RGL4: variants seen among roughly 807,000 people sequenced by gnomAD.
RGL4 encodes ral-GDS-related protein.
Under a neutral mutation model 49.6 loss-of-function variants are expected in RGL4, and 41 were observed. The observed-to-expected ratio is 0.83, with a 90% confidence interval of 0.64 to 1.07. The LOEUF (loss-of-function observed/expected upper bound fraction) is 1.07. RGL4 is among the 50% of genes least tolerant of loss of function. The pLI, the probability that RGL4 is intolerant of heterozygous loss-of-function variation, is 0.00. For synonymous variants in RGL4, 255 were observed against 238.0 expected (o/e 1.07, Z -0.66); for missense variants, 610 against 591.9 (o/e 1.03, Z -0.32).
Position 23,692,414 on chromosome 22 carries a change from C to A in RGL4, c.259C>A (p.Arg87=). 6.2e-7 allele frequency: 1 copy of A among 1,614,226 alleles called. No individual in the cohort carries two copies. Among genetic ancestry groups the A allele is most frequent in the Non-Finnish European group, 8.5e-7 (1 of 1,180,044 alleles). ...TCAGCCCCCGCAACGGTCATCTTTC[C>A]GGATAAAGCTGGCCTTCAGGAACCT... The part of the protein sequence containing the change: ...YYQPPQRSSF[R]IKLAFRNLSW... Residue 87 remains arginine, a synonymous_variant, in exon 2 of 11, where the codon CGG becomes AGG. Transcript: ENST00000290691.
At chr22:23,695,754 C>G (rs141323087) in intron 6 of RGL4, among the ~76,000 whole-genome samples, 71 of 152,352 alleles carry the variant, frequency 4.7e-4, no homozygotes, top group African/African-American at 1.6e-3. Flanking sequence ...GGGATCCTCC[C>G]TGACCAGATC....
chr22:23,698,582 C>G (rs184206172), intron 10 of RGL4: 163 of 720,020 alleles, frequency 2.3e-4, no homozygotes, highest in African/African-American at 2.1e-3. Flanking sequence ...TGTCCAGGAT[C>G]GTCTCAAACT....
chr22:23,697,070 G>A, intron 7 of RGL4, 101 bp from the exon 8 acceptor site: 10 of 891,534 alleles, frequency 1.1e-5, no homozygotes, highest in East Asian at 2.5e-5. Flanking sequence ...CTGGGAGACA[G>A]GGGCTGATGG....
At position 23,692,972 on chromosome 22, in the gene RGL4, A is replaced by G; in HGVS notation, c.677A>G (p.Gln226Arg). 1.9e-6 allele frequency: 3 copies of G among 1,607,218 alleles called. No individual in the cohort carries two copies. The highest frequency in any genetic ancestry group is 2.6e-6 in the Non-Finnish European group (3 of 1,175,894). ...TTFPPRLLAEQLTLMDAELFK... is the reference protein window; with the variant it reads ...TTFPPRLLAERLTLMDAELFK... The stretch of plus-strand genomic sequence containing the variant: ...TTCCCTCCCAGGCTGCTGGCAGAGC[A>G]GCTGACCCTCATGGATGCGGTGAGC... Residue 226 changes from glutamine to arginine, a missense_variant, in exon 3 of 11, where the codon CAG (glutamine) becomes CGG (arginine). Transcript: ENST00000290691.
chr22:23,693,498 T>C (rs528333043), intron 3 of RGL4, among the ~76,000 whole-genome samples: 2 of 151,954 alleles, frequency 1.3e-5, no homozygotes, highest in East Asian at 3.9e-4. Flanking sequence ...GTTCTTAGAG[T>C]GTGGATGGCC....
chr22:23,693,305 T>C, intron 3 of RGL4: 1 of 475,374 alleles, frequency 2.1e-6, no homozygotes, highest in Non-Finnish European at 3.8e-6. Flanking sequence ...CTCAGGAGCC[T>C]CACTACCCTC....
Position 23,691,954 on chromosome 22 carries a change from C to T in RGL4, c.-77C>T. On this transcript the variant is annotated 5_prime_UTR_variant, in exon 1 of 11. Transcript: ENST00000290691. Reference sequence around the variant, plus strand: ...CCCTCAGCACCGTGGCTTCCCAGCTCTCCCTGTCCTCCTCCCCCCGACATC... The same window carrying T: ...CCCTCAGCACCGTGGCTTCCCAGCTTTCCCTGTCCTCCTCCCCCCGACATC... 6.6e-7 allele frequency: 1 copy of T among 1,516,706 alleles called. No homozygotes were observed. Among genetic ancestry groups the T allele is most frequent in the Non-Finnish European group, 9.0e-7 (1 of 1,111,906 alleles). The allele number at this position is 1,516,706 out of a possible 1,614,324, so 94.0% of individuals were successfully genotyped here. A position where few individuals can be genotyped will look rare whatever the true frequency, so the allele number is the denominator to read the frequency against.
In RGL4 at chr22:23,698,985, T is replaced by C. The variant is rs1019795980; in HGVS notation, c.*102T>C. The C allele has an allele frequency of 5.1e-6, 8 of 1,560,716 alleles. No individual in the cohort carries two copies. Among genetic ancestry groups the C allele is most frequent in the East Asian group, 2.4e-5 (1 of 42,018 alleles). On this transcript the variant is annotated 3_prime_UTR_variant, in exon 11 of 11. Transcript: ENST00000290691. ...AGACCGTAGACACCAGGGAACCACATCTAGGAGGCTGGCAGCTCAGCTGCA... is the reference window on the plus strand; with the variant it reads ...AGACCGTAGACACCAGGGAACCACACCTAGGAGGCTGGCAGCTCAGCTGCA...
At position 23,698,628 on chromosome 22, in the gene RGL4, A is replaced by G. The variant is rs1397630877; in HGVS notation, c.1383-216A>G. The G allele has an allele frequency of 6.7e-6, 5 of 745,396 alleles. No individual in the cohort carries two copies. In the Admixed American group the frequency reaches 1.0e-4, roughly 15 times the overall value. 46.2% of individuals were successfully genotyped at this position (745,396 alleles called of 1,614,324 possible). A position where few individuals can be genotyped will look rare whatever the true frequency, so the allele number is the denominator to read the frequency against. On this transcript the variant is annotated intron_variant, in intron 10 of 10. Coordinates refer to ENST00000290691, the MANE Select transcript of RGL4 (RefSeq NM_153615.2). ...AGCAATCCACCCACCTCAGCCTCCC[A>G]AAGTACTGACGTTACAGGTGTGAGC...
rs140819650 is a variant in RGL4, at chr22:23,696,622, C to T, written c.1095C>T (p.Ser365=). 449 of 1,613,748 alleles carry T rather than the reference C, an allele frequency of 2.8e-4. 2 individuals are homozygous for T. In the African/African-American group the frequency reaches 5.7e-3, roughly 20 times the overall value. Reference sequence around the variant, plus strand: ...TCGCTGACACCTGGCAGGCGGGGAGCTTTAAGGTGGCCACCCAGGAGAGGA... The same window carrying T: ...TCGCTGACACCTGGCAGGCGGGGAGTTTTAAGGTGGCCACCCAGGAGAGGA... The part of the protein sequence containing the change: ...VKRDLLIKAG[S]FKVATQERNP... Residue 365 remains serine (S), a synonymous_variant, in exon 7 of 11, where the codon AGC becomes AGT. Transcript: ENST00000290691.
intron 7 of RGL4, among the ~76,000 whole-genome samples, 176 bp from the exon 8 acceptor site, chr22:23,696,995 A>T (rs1265873386): frequency 6.6e-6 from 1 of 152,218 alleles, no homozygotes; most frequent in Non-Finnish European, 1.5e-5. Flanking sequence ...TACAGGAGGC[A>T]GAGAATTGGG....
rs916955531 is a variant in RGL4 at position 23,691,962 on chromosome 22, C to T, written c.-69C>T. The T allele has an allele frequency of 6.5e-7, 1 of 1,543,326 alleles. No individual in the cohort carries two copies. Among genetic ancestry groups the T allele is most frequent in the African/African-American group, 1.4e-5 (1 of 73,816 alleles). On this transcript the variant is annotated 5_prime_UTR_variant, in exon 1 of 11. Transcript: ENST00000290691. ...ACCGTGGCTTCCCAGCTCTCCCTGT[C>T]CTCCTCCCCCCGACATCTGCCCCTT...
rs958366423 is a variant in RGL4, at chr22:23,691,408, G to C, written c.-623G>C. ...CTCAGACATCTGGAGAGGCTCACTG[G>C]GGTTCTCCAAAGGTTGGGGTTCACT... On this transcript the variant is annotated 5_prime_UTR_variant, in exon 1 of 11. Coordinates refer to ENST00000290691, the MANE Select transcript of RGL4 (RefSeq NM_153615.2). The C allele has an allele frequency of 6.6e-6, 1 of 152,212 alleles. No individual in the cohort carries two copies. The highest frequency in any genetic ancestry group is 6.5e-5 in the Admixed American group (1 of 15,284). The allele number at this position is 152,212 out of a possible 1,614,324, so 9.4% of individuals were successfully genotyped here. A position where few individuals can be genotyped will look rare whatever the true frequency, so the allele number is the denominator to read the frequency against.
At position 23,692,047 on chromosome 22, in the gene RGL4, CA is replaced by C. The variant is rs773619343; in HGVS notation, c.20del (p.Asn7IlefsTer8). ...GGAGCTTTGATGAGGAAGCTGCTCA[CA>C]AATCTGCCTGCAGCTGCAGTCTTGA... MRKLL[T>X]NLPAAAVLSA... On this transcript the variant is annotated frameshift_variant, in exon 1 of 11. Coordinates refer to ENST00000290691, the MANE Select transcript of RGL4 (RefSeq NM_153615.2). LOFTEE classifies it high-confidence loss of function. 4.3e-6 allele frequency: 7 copies of C among 1,613,760 alleles called. No homozygotes were observed. Among genetic ancestry groups the C allele is most frequent in the Non-Finnish European group, 5.9e-6 (7 of 1,179,842 alleles).
chr22:23,698,786 G>T, intron 10 of RGL4, 58 bp from the exon 11 acceptor site: 1 of 1,556,872 alleles, frequency 6.4e-7, no homozygotes, highest in South Asian at 1.2e-5. Flanking sequence ...GGCAGGCACT[G>T]ACAGGGGACC....
chr22:23,693,909 G>A lies in RGL4; in HGVS notation c.847G>A (p.Gly283Arg), dbSNP rs373688687. 2.2e-5 allele frequency: 35 copies of A among 1,613,864 alleles called. No individual in the cohort carries two copies. Among genetic ancestry groups the A allele is most frequent in the South Asian group, 1.5e-4 (14 of 91,080 alleles). The change falls in exon 4 of 11, where the codon GGG (glycine) becomes AGG (arginine). Residue 283 changes from glycine (G) to arginine (R), a missense_variant. Transcript: ENST00000290691. The part of the protein sequence containing the change: ...LTNCITTSCL[G>R]DHSMRARDRA... ...CAACTGCATCACCACCTCCTGCCTC[G>A]GGGACCACAGCATGAGGGCCCGGGA... is the stretch of plus-strand genomic sequence containing the variant.
In RGL4 at chr22:23,696,137, C is replaced by T. The variant is rs548545098; in HGVS notation, c.1087-477C>T. On this transcript the variant is annotated intron_variant, in intron 6 of 10. Coordinates refer to ENST00000290691, the MANE Select transcript of RGL4 (RefSeq NM_153615.2). ...GGATGTGAGCTGAAGGCAGCCGAGA[C>T]GGAGCCTCCAGGAGCAGAAGGAGGC... Among the ~76,000 whole-genome samples, 8 of 152,308 alleles carry T rather than the reference C, an allele frequency of 5.3e-5. No individual in the cohort carries two copies. In the South Asian group the frequency reaches 1.2e-3, roughly 24 times the overall value.
In RGL4 at chr22:23,694,989, C is replaced by T; in HGVS notation, c.1056C>T (p.Asp352=). ...MKELKELCKK[D]TAVKRDLLIK... ...AGCTAAAAGAACTCTGCAAAAAAGA[C>T]ACTGCAGTGAAGAGGGACCTACTGA... is the stretch of plus-strand genomic sequence containing the variant. Residue 352 remains aspartate, a synonymous_variant, in exon 6 of 11, where the codon GAC becomes GAT. Coordinates refer to ENST00000290691, the MANE Select transcript of RGL4 (RefSeq NM_153615.2). 5.6e-6 allele frequency: 9 copies of T among 1,613,562 alleles called. No individual in the cohort carries two copies. Among genetic ancestry groups the T allele is most frequent in the Non-Finnish European group, 7.6e-6 (9 of 1,179,550 alleles).
Position 23,693,002 on chromosome 22 carries a change from G to A in RGL4, c.696+11G>A, listed in dbSNP as rs1204491166. The A allele has an allele frequency of 3.8e-6, 6 of 1,579,158 alleles. No homozygotes were observed. The highest frequency in any genetic ancestry group is 2.3e-5 in the East Asian group (1 of 44,426). ...ACCCTCATGGATGCGGTGAGCAGCT[G>A]AGCTTTGCAGGCTGTGTCTCTGGCA... On this transcript the variant is annotated intron_variant, in intron 3 of 10. Coordinates refer to ENST00000290691, the MANE Select transcript of RGL4 (RefSeq NM_153615.2).
Sources: gnomAD v4.1 joint callset for allele counts (sites outside exome capture counted in the v4.1 genomes callset) on GRCh38, gnomAD v4.1.1 for gene constraint, MANE v1.5 for transcripts, NCBI Gene and HGNC (gene_info 2026-07-23, HGNC 2026-07-21) for gene names.